The following RARS2 variants were observed in gnomAD, a reference collection of about 807,000 sequenced individuals.
The protein encoded by RARS2 is arginyl-tRNA synthetase 2, mitochondrial.
RARS2 carries 67 observed loss-of-function variants against 88.5 expected under a neutral mutation model. That is an observed-to-expected ratio of 0.76 (90% confidence interval 0.62 to 0.93). RARS2 has a LOEUF of 0.93. Among genes scored for constraint, RARS2 ranks in the 40% least tolerant of loss-of-function variants. The probability of loss-of-function intolerance (pLI) is 0.00; values close to 1 mark genes in which losing one functional copy is unlikely to be tolerated. For synonymous variants in RARS2, 239 were observed against 230.3 expected, an observed-to-expected ratio of 1.04 and a Z score of -0.34; for missense variants, 664 against 684.2, an observed-to-expected ratio of 0.97 and a Z score of 0.33.
intron 8 of RARS2, among the ~76,000 whole-genome samples, chr6:87,538,778 A>T (rs1313470692): frequency 6.6e-6 from 1 of 152,188 alleles, no homozygotes; most frequent in African/African-American, 2.4e-5. Flanking sequence ...TCACACCTAT[A>T]ATCCCAGCAC....
chr6:87,586,048 C>T (rs950470836), intron 1 of RARS2, among the ~76,000 whole-genome samples: 53 of 152,074 alleles, frequency 3.5e-4, no homozygotes, highest in African/African-American at 1.3e-3. Context: ...ACTCGTGCAA[C>T]AAAGAAAGAT....
intron 10 of RARS2, among the ~76,000 whole-genome samples, chr6:87,525,555 T>C (rs1299517882): frequency 1.3e-5 from 2 of 151,788 alleles, no homozygotes; most frequent in East Asian, 3.9e-4. Context: ...TTTTCTTTTT[T>C]TTTTTTTTGA....
Position 87,555,302 on chromosome 6 carries a change from AAGTTTTCC to A in RARS2, c.395+98_395+105del, listed in dbSNP as rs141636222. On this transcript the variant is annotated intron_variant, in intron 5 of 19. Transcript: ENST00000369536. Reference sequence around the variant, plus strand: ...AAATAACATAATTGCACTGGTTTTCAAGTTTTCCACATGTTATTTATTAAGACCCCCAA... The same window carrying A: ...AAATAACATAATTGCACTGGTTTTCAACATGTTATTTATTAAGACCCCCAA... The A allele has an allele frequency of 4.6e-3, 3,747 of 818,344 alleles. 85 individuals are homozygous for A. The African/African-American group carries it at 0.055, about 12-fold the overall frequency. 50.7% of individuals were successfully genotyped at this position (818,344 alleles called of 1,614,324 possible). A position where few individuals can be genotyped will look rare whatever the true frequency, so the allele number is the denominator to read the frequency against.
intron 8 of RARS2, among the ~76,000 whole-genome samples, chr6:87,539,515 G>A (rs1330252615): frequency 3.3e-5 from 5 of 152,180 alleles, no homozygotes; most frequent in Admixed American, 3.3e-4. Flanking sequence ...TCCTTATTTG[G>A]AGGTGTTTTT....
At chr6:87,522,698 C>G (rs1460992005) in intron 11 of RARS2, among the ~76,000 whole-genome samples, 4 of 152,214 alleles carry the variant, frequency 2.6e-5, no homozygotes, top group Admixed American at 1.3e-4. Context: ...ATCATGTTGG[C>G]CAGGCTGGTT....
Position 87,516,813 on chromosome 6 carries a change from T to C in RARS2, c.1579A>G (p.Thr527Ala), listed in dbSNP as rs773387550. The change falls in exon 18 of 20, where the codon ACT becomes GCT. Residue 527 changes from threonine to alanine, a missense_variant. Transcript: ENST00000369536. ...AGGAAGATTATAAAGTACCTTAAAG[T>C]TAGAAGGTAACTGACGATATGCCTG... ...QPRHIVSYLL[T>A]LSHLAAVAHK... is the part of the protein sequence containing the mutation. 6.2e-7 allele frequency: 1 copy of C among 1,613,530 alleles called. No homozygotes were observed. Among genetic ancestry groups the C allele is most frequent in the African/African-American group, 1.3e-5 (1 of 74,994 alleles).
intron 1 of RARS2, among the ~76,000 whole-genome samples, chr6:87,578,019 A>G (rs1217233461): frequency 6.6e-6 from 1 of 152,096 alleles, no homozygotes; most frequent in African/African-American, 2.4e-5. Flanking sequence ...GCGGTGGCTC[A>G]TGCCTGTAAT....
At chr6:87,551,626 CAA>C (rs71018036) in intron 5 of RARS2, among the ~76,000 whole-genome samples, 3 of 65,152 alleles carry the variant, frequency 4.6e-5, no homozygotes, top group African/African-American at 6.4e-5. Context: ...TCCGTCTCAA[CAA>C]AAAAAAAAAA....
In RARS2 at chr6:87,589,853, C is replaced by G. The variant is rs547522642; in HGVS notation, c.36+69G>C. On this transcript the variant is annotated intron_variant, in intron 1 of 19. Transcript: ENST00000369536. ...CCCTCCAGCTGACTGAGGACTGGCC[C>G]GCAGCGGTGAAAGGCCTTTGGGGTC... 30 of 1,613,922 alleles carry G rather than the reference C, an allele frequency of 1.9e-5. No individual in the cohort carries two copies. In the Middle Eastern group the frequency reaches 6.6e-4, roughly 36 times the overall value.
Position 87,513,967 on chromosome 6 carries a change from G to A in RARS2, c.*446C>T, listed in dbSNP as rs139134669. ...GATAACTCATTTATTTAAGGATAAA[G>A]ACTGAATAACTTGACAAGTCACATT... On this transcript the variant is annotated 3_prime_UTR_variant, in exon 20 of 20. Coordinates refer to ENST00000369536, the MANE Select transcript of RARS2 (RefSeq NM_020320.5). Among the ~76,000 whole-genome samples, 3 of 152,254 alleles carry A rather than the reference G, an allele frequency of 2.0e-5. No homozygotes were observed. The South Asian group carries it at 6.2e-4, about 32-fold the overall frequency.
chr6:87,564,347 TTA>T lies in RARS2; in HGVS notation c.111-117_111-116del, dbSNP rs1767171384. The T allele has an allele frequency of 2.5e-5, 20 of 791,080 alleles. 1 individual carries two copies. In the South Asian group the frequency reaches 2.8e-4, roughly 11 times the overall value. The allele number at this position is 791,080 out of a possible 1,614,324, so 49.0% of individuals were successfully genotyped here. A position where few individuals can be genotyped will look rare whatever the true frequency, so the allele number is the denominator to read the frequency against. On this transcript the variant is annotated intron_variant, in intron 2 of 19. Coordinates refer to ENST00000369536, the MANE Select transcript of RARS2 (RefSeq NM_020320.5). ...GACATACCTTTACCAGAAGAAGGTG[TTA>T]TGTGTACTTTCAAAATTAAAAGCAA... is the stretch of plus-strand genomic sequence containing the variant.
In RARS2 at chr6:87,575,225, G is replaced by GCACACACACACACA. The variant is rs58168335; in HGVS notation, c.37-5649_37-5636dup. Among the ~76,000 whole-genome samples, 862 of 114,616 alleles carry GCACACACACACACA rather than the reference G, an allele frequency of 7.5e-3. 19 individuals carry two copies. The highest frequency in any genetic ancestry group is 0.014 in the Middle Eastern group (3 of 210). The allele number at this position is 114,616 out of a possible 152,430, so 75.2% of individuals were successfully genotyped here. A position where few individuals can be genotyped will look rare whatever the true frequency, so the allele number is the denominator to read the frequency against. ...AGAGATGAACCCTAAAAAATAGAAAGCACACACACACACACACACACACAC... is the reference window on the plus strand; with the variant it reads ...AGAGATGAACCCTAAAAAATAGAAAGCACACACACACACACACACACACACACACACACACACAC... On this transcript the variant is annotated intron_variant, in intron 1 of 19. Transcript: ENST00000369536.
rs148229791 is a variant in RARS2, at chr6:87,519,698, G to A, written c.1122C>T (p.His374=). The stretch of plus-strand genomic sequence containing the variant: ...TTCCCTGTACTACTCCAAAGGGCAC[G>A]TGCTGGCACCTAAAAGAGTGGGCAT... The part of the protein sequence containing the change: ...MGYDWAERCQ[H]VPFGVVQGMK... The change falls in exon 14 of 20, where the codon CAC becomes CAT. Residue 374 remains histidine (H), a synonymous_variant. Transcript: ENST00000369536. 9.9e-6 allele frequency: 16 copies of A among 1,613,942 alleles called. No homozygotes were observed. Among genetic ancestry groups the A allele is most frequent in the African/African-American group, 6.7e-5 (5 of 75,030 alleles).
At position 87,514,034 on chromosome 6, in the gene RARS2, G is replaced by T. The variant is rs1770719945; in HGVS notation, c.*379C>A. On this transcript the variant is annotated 3_prime_UTR_variant, in exon 20 of 20. Coordinates refer to ENST00000369536, the MANE Select transcript of RARS2 (RefSeq NM_020320.5). ...ACAGAATAATAGTTTAACTTTGGCT[G>T]GGCGTGGTGGTTCATGCCTCTAATC... is the stretch of plus-strand genomic sequence containing the variant. Among the ~76,000 whole-genome samples, 1 of 152,196 alleles carries T rather than the reference G, an allele frequency of 6.6e-6. No individual in the cohort carries two copies. Among genetic ancestry groups the T allele is most frequent in the Admixed American group, 6.5e-5 (1 of 15,284 alleles).
At position 87,549,303 on chromosome 6, in the gene RARS2, C is replaced by T. The variant is rs547631029; in HGVS notation, c.396-657G>A. Among the ~76,000 whole-genome samples the T allele has an allele frequency of 7.0e-4, 106 of 151,676 alleles. 1 individual carries two copies. The highest frequency in any genetic ancestry group is 6.9e-3 in the Admixed American group (105 of 15,200). On this transcript the variant is annotated intron_variant, in intron 5 of 19. Transcript: ENST00000369536. ...CCTGGGAGGCGGAGGTTGCAGTGAG[C>T]CGAGATCACGACATTGTACTCTAGT...
intron 14 of RARS2, chr6:87,519,208 G>GTGTGTGTGTGTGTATATATATA (rs1210109506): frequency 3.8e-4 from 97 of 257,708 alleles, no homozygotes; most frequent in Non-Finnish European, 5.2e-4. Flanking sequence ...GTGTGTGTGT[G>GTGTGTGTGTGTGTATATATATA]TATATATATA....
intron 2 of RARS2, among the ~76,000 whole-genome samples, chr6:87,568,922 C>G (rs1349235625): frequency 6.6e-6 from 1 of 152,100 alleles, no homozygotes; most frequent in South Asian, 2.1e-4. Context: ...AATAATCTAT[C>G]CAAGTATTGA....
intron 6 of RARS2, among the ~76,000 whole-genome samples, chr6:87,548,256 T>A (rs1479674660): frequency 6.6e-6 from 1 of 152,056 alleles, no homozygotes; most frequent in African/African-American, 2.4e-5. Context: ...AACAAAAAAA[T>A]CTGAAAGGTT....
chr6:87,533,596 T>G (rs1444175961), intron 8 of RARS2, among the ~76,000 whole-genome samples: 1 of 152,206 alleles, frequency 6.6e-6, no homozygotes, highest in Non-Finnish European at 1.5e-5. Flanking sequence ...AATTTTTCTC[T>G]TAGAAGAAAA....
Sources: gnomAD v4.1 joint callset for allele counts (sites outside exome capture counted in the v4.1 genomes callset) on GRCh38, gnomAD v4.1.1 for gene constraint, MANE v1.5 for transcripts, NCBI Gene and HGNC (gene_info 2026-07-23, HGNC 2026-07-21) for gene names.